Variants in TTF1 observed in about 807,000 individuals in gnomAD.
TTF1 encodes transcription termination factor 1.
A neutral mutation model predicts 80.2 loss-of-function variants in TTF1; 64 were observed. That is an observed-to-expected ratio of 0.80 (90% CI 0.65 to 0.98). The LOEUF (loss-of-function observed/expected upper bound fraction) is 0.98. Among genes scored for constraint, TTF1 ranks in the 50% least tolerant of loss-of-function variants. TTF1 has a pLI of 0.00. For missense variants in TTF1, 1,023 were observed against 1,086.2 expected, an observed-to-expected ratio of 0.94 and a Z score of 0.82; for synonymous variants, 372 against 382.7, an observed-to-expected ratio of 0.97 and a Z score of 0.33.
chr9:132,401,007 T>C (rs1337392775), intron 2 of TTF1, among the ~76,000 whole-genome samples: 2 of 152,232 alleles, frequency 1.3e-5, no homozygotes, highest in Non-Finnish European at 2.9e-5. Flanking sequence ...AATGAGGGTC[T>C]ACCTCTTGAT....
chr9:132,393,273 C>CT (rs996639205), intron 5 of TTF1, among the ~76,000 whole-genome samples: 8 of 151,776 alleles, frequency 5.3e-5, no homozygotes, highest in Non-Finnish European at 1.0e-4. Context: ...GAGCAAGCCC[C>CT]CCCCGCAAAC....
chr9:132,395,259 ATT>A (rs1207511082), intron 5 of TTF1, among the ~76,000 whole-genome samples: 1 of 152,154 alleles, frequency 6.6e-6, no homozygotes, highest in African/African-American at 2.4e-5. Flanking sequence ...TAATTCTTTG[ATT>A]TTTTACTTTC....
intron 7 of TTF1, 114 bp from the exon 8 acceptor site, chr9:132,388,342 C>CTTT: frequency 3.3e-5 from 17 of 518,098 alleles, no homozygotes; most frequent in South Asian, 5.5e-5. Context: ...TCTAACTTTT[C>CTTT]TTTTTTTTTT....
rs1716267380 is a variant in TTF1 at position 132,379,104 on chromosome 9, G to T, written c.2419C>A (p.Leu807Met). 1 of 1,609,510 alleles carries T rather than the reference G, an allele frequency of 6.2e-7. No individual in the cohort carries two copies. Among genetic ancestry groups the T allele is most frequent in the African/African-American group, 1.3e-5 (1 of 74,860 alleles). ...CAAAATGGAACATAGACAGCTTTCA[G>T]CCTAGAAAATTTAGTTTGAACGTAA... is the stretch of plus-strand genomic sequence containing the variant. Reference protein sequence around the residue: ...PSYVQTKFSRLKAVYVPFWQK... With the variant: ...PSYVQTKFSRMKAVYVPFWQK... The change falls in exon 10 of 11, where the codon CTG becomes ATG. Residue 807 changes from leucine (L) to methionine (M), a missense_variant. By Grantham distance (15) the Leu-to-Met change is conservative (BLOSUM62 2). Transcript: ENST00000334270.
In TTF1 at chr9:132,402,790, T is replaced by C; in HGVS notation, c.32A>G (p.His11Arg). The C allele has an allele frequency of 6.3e-7, 1 of 1,591,570 alleles. No homozygotes were observed. Among genetic ancestry groups the C allele is most frequent in the Non-Finnish European group, 8.5e-7 (1 of 1,172,790 alleles). Residue 11 changes from histidine to arginine, a missense_variant, in exon 2 of 11, where the codon CAC becomes CGC. By Grantham distance (29) the His-to-Arg change is conservative. Coordinates refer to ENST00000334270, the MANE Select transcript of TTF1 (RefSeq NM_007344.4). ...CTTTTTCTTGTCAGAAACTGGAGTGTGGATTTCAAATCTGCTTGATTCTCC... is the reference window on the plus strand; with the variant it reads ...CTTTTTCTTGTCAGAAACTGGAGTGCGGATTTCAAATCTGCTTGATTCTCC... MEGESSRFEIHTPVSDKKKKK... is the reference protein window; with the variant it reads MEGESSRFEIRTPVSDKKKKK...
At chr9:132,393,295 A>G (rs1265204033) in intron 5 of TTF1, among the ~76,000 whole-genome samples, 1 of 148,560 alleles carries the variant, frequency 6.7e-6, no homozygotes. Flanking sequence ...GGCCATAAAC[A>G]GAATCTCTGC....
Sources: allele counts gnomAD v4.1 joint callset (sites outside exome capture counted in the v4.1 genomes callset), GRCh38; gene constraint gnomAD v4.1.1; transcripts MANE v1.5; gene names NCBI Gene and HGNC (gene_info 2026-07-23, HGNC 2026-07-21).